The following CASD1 variants were observed in gnomAD, a reference collection of about 807,000 sequenced individuals.
CASD1 encodes the protein CAS1 domain sialic acid O acetyltransferase 1.
CASD1 carries 41 observed loss-of-function variants against 100.0 expected under a neutral mutation model. The ratio of observed to expected loss-of-function variants is 0.41; its 90% CI spans 0.32 to 0.53. The LOEUF is 0.53. CASD1 is among the 20% of genes least tolerant of loss of function. The pLI, the probability that CASD1 is intolerant of heterozygous loss-of-function variation, is 0.25. For synonymous variants in CASD1, 321 were observed against 315.6 expected, an observed-to-expected ratio of 1.02 and a Z score of -0.18; for missense variants, 774 against 948.7, an observed-to-expected ratio of 0.82 and a Z score of 2.42.
At chr7:94,603,591 A>G in the CASD1 span, 3 of 735,234 alleles carry the variant, frequency 4.1e-6, no homozygotes, top group African/African-American at 1.8e-5. Flanking sequence ...CCTCGGCTCT[A>G]AAAACAATGA....
chr7:94,618,803 TC>T, the CASD1 span: 1 of 1,614,074 alleles, frequency 6.2e-7, no homozygotes, highest in Non-Finnish European at 8.5e-7. Context: ...GCCACCCCTG[TC>T]TAGGGCCGAT....
chr7:94,521,742 A>G (rs1584383231), intron 3 of CASD1, among the ~76,000 whole-genome samples: 1 of 152,224 alleles, frequency 6.6e-6, no homozygotes, highest in East Asian at 1.9e-4. Flanking sequence ...TGCATATATT[A>G]TCCATATATG....
intron 3 of CASD1, among the ~76,000 whole-genome samples, chr7:94,518,567 A>G (rs996800229): frequency 4.6e-5 from 7 of 152,280 alleles, no homozygotes; most frequent in East Asian, 3.9e-4. Context: ...AGAAATAATA[A>G]ATTCTTACCA....
chr7:94,568,604 G>A, the CASD1 span, among the ~76,000 whole-genome samples: 4 of 152,218 alleles, frequency 2.6e-5, no homozygotes, highest in East Asian at 7.7e-4. Context: ...CCTAGGCATT[G>A]ATGATAAAAG....
chr7:94,541,391 A>G (rs1488513251), intron 10 of CASD1, among the ~76,000 whole-genome samples: 2 of 151,932 alleles, frequency 1.3e-5, no homozygotes, highest in Admixed American at 6.6e-5. Flanking sequence ...AATTATTAAA[A>G]TAATCCTTAT....
chr7:94,518,284 A>G lies in CASD1; in HGVS notation c.312A>G (p.Val104=), dbSNP rs998166729. 2 of 1,576,194 alleles carry G rather than the reference A, an allele frequency of 1.3e-6. No individual in the cohort carries two copies. The highest frequency in any genetic ancestry group is 1.4e-5 in the African/African-American group (1 of 73,102). ...TTCGTCAATTGTTTTATTCTTTTGTAAAAATAATTAATCCCCAATTCAAAG... is the reference window on the plus strand; with the variant it reads ...TTCGTCAATTGTTTTATTCTTTTGTGAAAATAATTAATCCCCAATTCAAAG... ...SRIRQLFYSF[V]KIINPQFKEE... is the part of the protein sequence containing the mutation. Residue 104 remains valine, a synonymous_variant, in exon 3 of 18, where the codon GTA becomes GTG. Coordinates refer to ENST00000297273, the MANE Select transcript of CASD1 (RefSeq NM_022900.5).
chr7:94,594,073 C>T, the CASD1 span, among the ~76,000 whole-genome samples: 3 of 152,024 alleles, frequency 2.0e-5, no homozygotes, highest in African/African-American at 7.2e-5. Context: ...CTTGACGTTC[C>T]TTTGATGACC....
the CASD1 span, among the ~76,000 whole-genome samples, chr7:94,573,241 G>T: frequency 1.3e-5 from 2 of 151,986 alleles, no homozygotes; most frequent in African/African-American, 4.8e-5. Context: ...TTTTAAAATA[G>T]TTTTTTTTCT....
chr7:94,593,395 C>T, the CASD1 span, among the ~76,000 whole-genome samples: 9 of 151,768 alleles, frequency 5.9e-5, no homozygotes, highest in Non-Finnish European at 1.2e-4. Context: ...AGATGCCTAC[C>T]ACTCCAAAAA....
At chr7:94,561,716 C>T (rs554753510), downstream of CASD1, among the ~76,000 whole-genome samples, 1 of 152,198 alleles carries the variant, frequency 6.6e-6, no homozygotes, top group Admixed American at 6.6e-5. Context: ...AGCTTAATGT[C>T]TCATTAAGAC....
chr7:94,548,551 C>A (rs1795792138), intron 13 of CASD1, among the ~76,000 whole-genome samples: 1 of 151,648 alleles, frequency 6.6e-6, no homozygotes. Context: ...TTGATATAAC[C>A]TATTTTTAAT....
At chr7:94,564,324 G>A in the CASD1 span, among the ~76,000 whole-genome samples, 1 of 152,168 alleles carries the variant, frequency 6.6e-6, no homozygotes, top group African/African-American at 2.4e-5. Flanking sequence ...TTTCTGCAGG[G>A]CCAGACTAAT....
At chr7:94,592,564 T>A in the CASD1 span, among the ~76,000 whole-genome samples, 1 of 152,220 alleles carries the variant, frequency 6.6e-6, no homozygotes, top group Non-Finnish European at 1.5e-5. Context: ...TTATGTTCAT[T>A]AATTTCATGC....
chr7:94,628,632 A>G, the CASD1 span: 1 of 401,634 alleles, frequency 2.5e-6, no homozygotes, highest in South Asian at 2.5e-5. Flanking sequence ...TAACAGTGAT[A>G]TAGTTCTGCC....
the CASD1 span, chr7:94,616,854 G>C: frequency 2.0e-5 from 3 of 152,130 alleles, no homozygotes; most frequent in African/African-American, 7.2e-5. Context: ...TTATAGAAAT[G>C]CTATTTTAAA....
intron 5 of CASD1, among the ~76,000 whole-genome samples, chr7:94,530,341 A>G (rs1307851182): frequency 6.6e-6 from 1 of 152,124 alleles, no homozygotes; most frequent in Non-Finnish European, 1.5e-5. Flanking sequence ...GACATACAAA[A>G]TGCTTCTTTA....
chr7:94,608,511 A>G, the CASD1 span, among the ~76,000 whole-genome samples: 3 of 152,242 alleles, frequency 2.0e-5, no homozygotes, highest in Non-Finnish European at 2.9e-5. Flanking sequence ...AATTAATTAT[A>G]GATTCAATGT....
the CASD1 span, among the ~76,000 whole-genome samples, chr7:94,573,840 A>G: frequency 3.3e-5 from 5 of 152,188 alleles, no homozygotes; most frequent in African/African-American, 1.2e-4. Context: ...GCTTTTGCCC[A>G]TTCAGTATAA....
intron 3 of CASD1, among the ~76,000 whole-genome samples, chr7:94,523,222 TG>T (rs1463659231): frequency 2.0e-5 from 3 of 152,178 alleles, no homozygotes; most frequent in Non-Finnish European, 4.4e-5. Context: ...AATCTAAAGA[TG>T]TAAGAATTGG....
Sources: gnomAD v4.1 joint callset for allele counts (sites outside exome capture counted in the v4.1 genomes callset) on GRCh38, gnomAD v4.1.1 for gene constraint, MANE v1.5 for transcripts, NCBI Gene and HGNC (gene_info 2026-07-23, HGNC 2026-07-21) for gene names.